Variants in LNX1 observed in about 807,000 individuals in gnomAD.
LNX1 encodes the protein ligand of numb-protein X 1, also known as E3 ubiquitin-protein ligase LNX.
LNX1 carries 54 observed loss-of-function variants against 68.4 expected under a neutral mutation model. That is an observed-to-expected ratio of 0.79 (90% CI 0.63 to 0.99). LNX1 has a LOEUF of 0.99. Ranked by LOEUF, LNX1 falls within the 50% of genes least tolerant of loss-of-function variation. The pLI, the probability that LNX1 is intolerant of heterozygous loss-of-function variation, is 0.00. For missense variants in LNX1, 906 were observed against 926.4 expected, an observed-to-expected ratio of 0.98 and a Z score of 0.29; for synonymous variants, 336 against 350.0, an observed-to-expected ratio of 0.96 and a Z score of 0.45.
chr4:53,579,382 G>A (rs1460614925), intron 1 of LNX1: 2 of 535,508 alleles, frequency 3.7e-6, no homozygotes, highest in Non-Finnish European at 4.8e-6. Context: ...AGAGATATAT[G>A]GAGCCAAAAC....
upstream of LNX1, among the ~76,000 whole-genome samples, chr4:53,620,413 G>T (rs1454370322): frequency 6.6e-6 from 1 of 152,196 alleles, no homozygotes; most frequent in Non-Finnish European, 1.5e-5. Flanking sequence ...AGCCCTGCAG[G>T]GGATTCTAAT....
intron 9 of LNX1, among the ~76,000 whole-genome samples, chr4:53,466,927 GACAA>G (rs757924195): frequency 7.2e-5 from 11 of 152,234 alleles, no homozygotes; most frequent in Non-Finnish European, 1.0e-4. Flanking sequence ...GCAGGGCACA[GACAA>G]ACAAAAGGCA....
Position 53,596,559 on chromosome 4 carries a change from T to A in LNX1, c.-214-5044A>T, listed in dbSNP as rs1732763938. Among the ~76,000 whole-genome samples, 6 of 152,200 alleles carry A rather than the reference T, an allele frequency of 3.9e-5. 1 individual carries two copies. In the South Asian group the frequency reaches 1.2e-3, roughly 32 times the overall value. ...TTTATGTTTCTATGATCTCCATTCT[T>A]GCATAAACAGGGTGGATTATTCCCA... On this transcript the variant is annotated intron_variant, in intron 2 of 3. Coordinates refer to the LNX1 transcript ENST00000504299.
intron 2 of LNX1, among the ~76,000 whole-genome samples, chr4:53,565,115 T>C (rs4256280): frequency 1.3e-5 from 2 of 151,466 alleles, no homozygotes; most frequent in African/African-American, 4.9e-5. Context: ...AAACAAAGCA[T>C]CCTGGAAGCT....
intron 2 of LNX1, among the ~76,000 whole-genome samples, chr4:53,514,050 C>T (rs917182793): frequency 6.6e-6 from 1 of 152,188 alleles, no homozygotes; most frequent in Non-Finnish European, 1.5e-5. Flanking sequence ...CCCAGATTCC[C>T]ATCCAGTTTG....
At chr4:53,596,463 A>G (rs1318934129), upstream of LNX1, among the ~76,000 whole-genome samples, 5 of 152,224 alleles carry the variant, frequency 3.3e-5, no homozygotes, top group South Asian at 4.1e-4. Flanking sequence ...AGTAGGGAGA[A>G]AAAAAGAACT....
intron 2 of LNX1, among the ~76,000 whole-genome samples, chr4:53,568,763 C>T (rs1207688782): frequency 2.0e-5 from 3 of 152,042 alleles, no homozygotes; most frequent in African/African-American, 4.8e-5. Context: ...CTAGAAAACC[C>T]CATTGTCTCA....
chr4:53,633,337 A>G (rs1411300807), intron 1 of LNX1, among the ~76,000 whole-genome samples: 2 of 152,138 alleles, frequency 1.3e-5, no homozygotes, highest in East Asian at 3.9e-4. Context: ...CCCCATGCAC[A>G]ATAACTTTCT....
chr4:53,529,325 C>T (rs183255378), intron 2 of LNX1, among the ~76,000 whole-genome samples: 68 of 152,160 alleles, frequency 4.5e-4, no homozygotes, highest in South Asian at 4.0e-3. Context: ...GCAGTGGGGA[C>T]GGCAGCATAG....
rs372073514 is a variant in LNX1, at chr4:53,586,138, GA to G, written c.-87+5249del. The stretch of plus-strand genomic sequence containing the variant: ...ACTAAATTTGCAAAGGGCCTCAAGG[GA>G]AAAAAAAAAGGCCACAGATAGAATG... On this transcript the variant is annotated intron_variant, in intron 1 of 10. Transcript: ENST00000263925. 2.2e-3 allele frequency among the ~76,000 whole-genome samples: 325 copies of G among 146,740 alleles called. 1 individual carries two copies. The highest frequency in any genetic ancestry group is 0.011 in the Middle Eastern group (3 of 282).
chr4:53,529,865 C>T (rs1338662350), intron 2 of LNX1, among the ~76,000 whole-genome samples: 1 of 152,150 alleles, frequency 6.6e-6, no homozygotes, highest in Non-Finnish European at 1.5e-5. Flanking sequence ...CAAGGGCAAA[C>T]ACAGTTCTCA....
At chr4:53,566,966 C>T (rs1577725303) in intron 2 of LNX1, among the ~76,000 whole-genome samples, 1 of 152,128 alleles carries the variant, frequency 6.6e-6, no homozygotes, top group South Asian at 2.1e-4. Flanking sequence ...ATATATGCAT[C>T]CAATACAGGA....
intron 2 of LNX1, among the ~76,000 whole-genome samples, chr4:53,522,480 T>C (rs1727296781): frequency 6.6e-6 from 1 of 152,236 alleles, no homozygotes; most frequent in African/African-American, 2.4e-5. Context: ...AATATGTCTA[T>C]ACTTGCTTAG....
At chr4:53,548,059 T>G (rs1729230718) in intron 2 of LNX1, among the ~76,000 whole-genome samples, 2 of 148,620 alleles carry the variant, frequency 1.3e-5, no homozygotes, top group Admixed American at 6.8e-5. Context: ...TTGGGGGTGG[T>G]GGGCCTCAGA....
At chr4:53,576,540 G>T (rs527530147) in intron 1 of LNX1, among the ~76,000 whole-genome samples, 2 of 151,992 alleles carry the variant, frequency 1.3e-5, no homozygotes, top group Non-Finnish European at 2.9e-5. Context: ...TTTAGGTTGG[G>T]CATTTTCATT....
At chr4:53,576,721 T>A (rs1363998344) in intron 1 of LNX1, among the ~76,000 whole-genome samples, 1 of 152,186 alleles carries the variant, frequency 6.6e-6, no homozygotes, top group Non-Finnish European at 1.5e-5. Flanking sequence ...AAAGACCTTA[T>A]GCTTTCCACA....
chr4:53,513,149 G>A (rs544047897), intron 2 of LNX1, among the ~76,000 whole-genome samples: 16 of 151,970 alleles, frequency 1.1e-4, no homozygotes, highest in Non-Finnish European at 1.3e-4. Context: ...TGTTCCCATC[G>A]CTTCCAGGCC....
chr4:53,620,597 A>G (rs1199775308), upstream of LNX1, among the ~76,000 whole-genome samples: 1 of 152,226 alleles, frequency 6.6e-6, no homozygotes, highest in African/African-American at 2.4e-5. Context: ...CTTGATGGGT[A>G]CAACGTGCAT....
At chr4:53,493,829 TG>T (rs1029799361) in intron 6 of LNX1, among the ~76,000 whole-genome samples, 1 of 152,226 alleles carries the variant, frequency 6.6e-6, no homozygotes, top group Non-Finnish European at 1.5e-5. Flanking sequence ...CGCTGGATCT[TG>T]CCCTTCTCTT....
Sources: allele counts gnomAD v4.1 joint callset (sites outside exome capture counted in the v4.1 genomes callset), GRCh38; gene constraint gnomAD v4.1.1; transcripts MANE v1.5; gene names NCBI Gene and HGNC (gene_info 2026-07-23, HGNC 2026-07-21).